ZNF470: variants seen among roughly 807,000 people sequenced by gnomAD.
ZNF470 encodes the protein zinc finger protein 470, also known as chondrogenesis zinc finger protein 1.
A neutral mutation model predicts 13.9 loss-of-function variants in ZNF470; 13 were observed. The ratio of observed to expected loss-of-function variants is 0.94; its 90% CI spans 0.61 to 1.49. The LOEUF (loss-of-function observed/expected upper bound fraction) is 1.49. Among genes scored for constraint, ZNF470 ranks in the 40% most tolerant of loss-of-function variants. The probability of loss-of-function intolerance (pLI) is 0.00; values close to 1 mark genes in which losing one functional copy is unlikely to be tolerated. For missense variants in ZNF470, 929 were observed against 857.3 expected (o/e 1.08, Z -1.04); for synonymous variants, 293 against 282.9 (o/e 1.04, Z -0.36).
At position 56,577,699 on chromosome 19, in the gene ZNF470, C is replaced by G. The variant is rs770179906; in HGVS notation, c.1270C>G (p.Pro424Ala). 1.1e-5 allele frequency: 18 copies of G among 1,611,164 alleles called. No individual in the cohort carries two copies. The Admixed American group carries it at 1.3e-4, about 12-fold the overall frequency. Residue 424 changes from proline (P) to alanine (A), a missense_variant, in exon 6 of 6, where the codon CCT becomes GCT. Transcript: ENST00000330619. ...QHKRTHTGER[P>A]YKCNVCGKAF... is the part of the protein sequence containing the mutation. Reference sequence around the variant, plus strand: ...TAAGAGAACTCATACTGGAGAGAGACCTTACAAATGTAATGTGTGTGGGAA... The same window carrying G: ...TAAGAGAACTCATACTGGAGAGAGAGCTTACAAATGTAATGTGTGTGGGAA...
At chr19:56,570,773 C>G (rs531938250) in intron 3 of ZNF470, among the ~76,000 whole-genome samples, 5 of 152,286 alleles carry the variant, frequency 3.3e-5, no homozygotes, top group African/African-American at 9.6e-5. Context: ...CAAACACTTA[C>G]GCAGTGTGAG....
Position 56,574,504 on chromosome 19 carries a change from G to A in ZNF470, c.171G>A (p.Arg57=). ...LYKKVMLENY[R]NLVSVGLCIS... Reference sequence around the variant, plus strand: ...AGAAGGTGATGTTAGAAAACTACAGGAACCTAGTTTCAGTGGGTAAGAGTA... The same window carrying A: ...AGAAGGTGATGTTAGAAAACTACAGAAACCTAGTTTCAGTGGGTAAGAGTA... The change falls in exon 4 of 6, where the codon AGG becomes AGA. Residue 57 remains arginine (R), a synonymous_variant. Transcript: ENST00000330619. The A allele has an allele frequency of 6.2e-7, 1 of 1,613,814 alleles. No individual in the cohort carries two copies. Among genetic ancestry groups the A allele is most frequent in the Non-Finnish European group, 8.5e-7 (1 of 1,179,766 alleles).
At position 56,578,677 on chromosome 19, in the gene ZNF470, T is replaced by C. The variant is rs2044512755; in HGVS notation, c.*94T>C. ...AAGACGCAACCATCTCATCTGGATT[T>C]CTGCAGTAGCATAACTGTTGCCCCT... On this transcript the variant is annotated 3_prime_UTR_variant, in exon 6 of 6. Transcript: ENST00000330619. 4 of 1,339,934 alleles carry C rather than the reference T, an allele frequency of 3.0e-6. No individual in the cohort carries two copies. In the South Asian group the frequency reaches 1.0e-4, roughly 34 times the overall value. The allele number at this position is 1,339,934 out of a possible 1,614,324, so 83.0% of individuals were successfully genotyped here.
rs1264268465 is a variant in ZNF470, at chr19:56,570,277, C to G, written c.-32-3C>G. The stretch of plus-strand genomic sequence containing the variant: ...GTTTCTCACTACTTCTTTTTCTCCC[C>G]AGCTCTACAATCCCAGAGTAAAGCT... On this transcript the variant is annotated splice_region_variant and splice_polypyrimidine_tract_variant and intron_variant, in intron 2 of 5. Coordinates refer to ENST00000330619, the MANE Select transcript of ZNF470 (RefSeq NM_001001668.4). The G allele has an allele frequency of 6.2e-7, 1 of 1,602,394 alleles. No individual in the cohort carries two copies. Among genetic ancestry groups the G allele is most frequent in the Non-Finnish European group, 8.5e-7 (1 of 1,170,214 alleles).
chr19:56,570,964 C>T (rs1401912577), intron 3 of ZNF470, among the ~76,000 whole-genome samples: 1 of 152,230 alleles, frequency 6.6e-6, no homozygotes, highest in East Asian at 1.9e-4. Context: ...TCCTTCCTGC[C>T]TCCTTGGTGA....
Position 56,582,379 on chromosome 19 carries a change from GA to G in ZNF470, c.*3799del, listed in dbSNP as rs1399610704. 42 of 985,174 alleles carry G rather than the reference GA, an allele frequency of 4.3e-5. No individual in the cohort carries two copies. The highest frequency in any genetic ancestry group is 4.8e-5 in the Non-Finnish European group (40 of 829,878). The allele number at this position is 985,174 out of a possible 1,614,324, so 61.0% of individuals were successfully genotyped here. The stretch of plus-strand genomic sequence containing the variant: ...CTAAGGGATTTTGTATGATATTGTT[GA>G]AAGATGTCTTACATTGTTTAAAGTC... On this transcript the variant is annotated 3_prime_UTR_variant, in exon 6 of 6. Coordinates refer to ENST00000330619, the MANE Select transcript of ZNF470 (RefSeq NM_001001668.4).
rs1488802083 is a variant in ZNF470, at chr19:56,580,080, T to C, written c.*1497T>C. 55 of 847,958 alleles carry C rather than the reference T, an allele frequency of 6.5e-5. 1 individual carries two copies. The highest frequency in any genetic ancestry group is 7.8e-5 in the Non-Finnish European group (55 of 705,068). 52.5% of individuals were successfully genotyped at this position (847,958 alleles called of 1,614,324 possible). A position where few individuals can be genotyped will look rare whatever the true frequency, so the allele number is the denominator to read the frequency against. On this transcript the variant is annotated 3_prime_UTR_variant, in exon 6 of 6. Coordinates refer to ENST00000330619, the MANE Select transcript of ZNF470 (RefSeq NM_001001668.4). ...CATGCTATGTGATAAGTATATGATATGTCCCATAAAGAGAAATGATATAAA... is the reference window on the plus strand; with the variant it reads ...CATGCTATGTGATAAGTATATGATACGTCCCATAAAGAGAAATGATATAAA...
intron 3 of ZNF470, among the ~76,000 whole-genome samples, chr19:56,571,074 C>G (rs2044448590): frequency 6.6e-6 from 1 of 152,154 alleles, no homozygotes; most frequent in Non-Finnish European, 1.5e-5. Context: ...TGAGTTACGC[C>G]TTGAATGAAA....
chr19:56,578,287 C>A lies in ZNF470; in HGVS notation c.1858C>A (p.Pro620Thr), dbSNP rs1397844297. 2 of 1,613,308 alleles carry A rather than the reference C, an allele frequency of 1.2e-6. No individual in the cohort carries two copies. Among genetic ancestry groups the A allele is most frequent in the Non-Finnish European group, 8.5e-7 (1 of 1,179,650 alleles). Residue 620 changes from proline (P) to threonine (T), a missense_variant, in exon 6 of 6, where the codon CCT becomes ACT. Physicochemically the swap from Pro to Thr is conservative, Grantham distance 38. Coordinates refer to ENST00000330619, the MANE Select transcript of ZNF470 (RefSeq NM_001001668.4). ...TCAGAGATGTCATACTGGTGAGAAA[C>A]CTTATGAATGTAATGTTTGTGGGAA... is the stretch of plus-strand genomic sequence containing the variant. ...CHQRCHTGEK[P>T]YECNVCGKAF...
rs1355198719 is a variant in ZNF470, at chr19:56,574,652, A to T, written c.202A>T (p.Lys68Ter). Residue 68 changes from lysine (K) to a stop codon, truncating the protein, a stop_gained, in exon 5 of 6, where the codon AAA becomes TAA. Transcript: ENST00000330619. LOFTEE classifies it high-confidence loss of function. ...TTTACATGCAGGTCTTTGCATTTCT[A>T]AACCAGATGTGATCTCCTTACTGGA... is the stretch of plus-strand genomic sequence containing the variant. ...NLVSVGLCIS[K>*]PDVISLLEQE... The T allele has an allele frequency of 5.6e-6, 9 of 1,613,492 alleles. No homozygotes were observed. The highest frequency in any genetic ancestry group is 7.6e-6 in the Non-Finnish European group (9 of 1,179,762).
Position 56,580,894 on chromosome 19 carries a change from C to T in ZNF470, c.*2311C>T. 1 of 985,218 alleles carries T rather than the reference C, an allele frequency of 1.0e-6. No homozygotes were observed. Among genetic ancestry groups the T allele is most frequent in the Non-Finnish European group, 1.2e-6 (1 of 829,830 alleles). The allele number at this position is 985,218 out of a possible 1,614,324, so 61.0% of individuals were successfully genotyped here. A position where few individuals can be genotyped will look rare whatever the true frequency, so the allele number is the denominator to read the frequency against. On this transcript the variant is annotated 3_prime_UTR_variant, in exon 6 of 6. Coordinates refer to ENST00000330619, the MANE Select transcript of ZNF470 (RefSeq NM_001001668.4). ...AAATGGCATTGGGAAACTTAGCTCACTGGAAAAACAGATCTGTACCTTTCA... is the reference window on the plus strand; with the variant it reads ...AAATGGCATTGGGAAACTTAGCTCATTGGAAAAACAGATCTGTACCTTTCA...
rs770596718 is a variant in ZNF470, at chr19:56,578,633, T to C, written c.*50T>C. On this transcript the variant is annotated 3_prime_UTR_variant, in exon 6 of 6. Transcript: ENST00000330619. ...CATCCATCTGCTTTTTTCCAGCACA[T>C]GTCCCATCATCATAGTCCAAGACGC... The C allele has an allele frequency of 1.5e-5, 21 of 1,436,276 alleles. No individual in the cohort carries two copies. In the East Asian group the frequency reaches 2.7e-4, roughly 18 times the overall value. The allele number at this position is 1,436,276 out of a possible 1,614,324, so 89.0% of individuals were successfully genotyped here. A position where few individuals can be genotyped will look rare whatever the true frequency, so the allele number is the denominator to read the frequency against.
At chr19:56,571,337 A>G (rs1365833334) in intron 3 of ZNF470, among the ~76,000 whole-genome samples, 1 of 152,176 alleles carries the variant, frequency 6.6e-6, no homozygotes, top group Non-Finnish European at 1.5e-5. Context: ...TTTTGCCCTC[A>G]TCTCTGATTA....
At chr19:56,569,111 C>G (rs2044432413) in intron 2 of ZNF470, among the ~76,000 whole-genome samples, 1 of 152,200 alleles carries the variant, frequency 6.6e-6, no homozygotes, top group Non-Finnish European at 1.5e-5. Flanking sequence ...GGTATAGTCC[C>G]TGCCATGTAA....
Position 56,578,290 on chromosome 19 carries a change from TA to T in ZNF470, c.1862del (p.Tyr621LeufsTer132), listed in dbSNP as rs2044508327. ...HQRCHTGEKP[Y>X]ECNVCGKAFS... The stretch of plus-strand genomic sequence containing the variant: ...GAGATGTCATACTGGTGAGAAACCT[TA>T]TGAATGTAATGTTTGTGGGAAAGCC... On this transcript the variant is annotated frameshift_variant, in exon 6 of 6. Coordinates refer to ENST00000330619, the MANE Select transcript of ZNF470 (RefSeq NM_001001668.4). LOFTEE classifies it low-confidence loss of function (END_TRUNC). 2.5e-6 allele frequency: 4 copies of T among 1,613,244 alleles called. No homozygotes were observed. Among genetic ancestry groups the T allele is most frequent in the Non-Finnish European group, 2.5e-6 (3 of 1,179,682 alleles).
At position 56,581,382 on chromosome 19, in the gene ZNF470, A is replaced by G. The variant is rs891394840; in HGVS notation, c.*2799A>G. The G allele has an allele frequency of 5.2e-6, 5 of 958,720 alleles. No homozygotes were observed. In the African/African-American group the frequency reaches 5.3e-5, roughly 10 times the overall value. 59.4% of individuals were successfully genotyped at this position (958,720 alleles called of 1,614,324 possible). ...ACAAGGGAATTCCATTGTTGATTAC[A>G]TATCTATTGCTTTATGTATATACCC... On this transcript the variant is annotated 3_prime_UTR_variant, in exon 6 of 6. Transcript: ENST00000330619.
chr19:56,569,478 A>G (rs1253079273), intron 2 of ZNF470, among the ~76,000 whole-genome samples: 1 of 152,210 alleles, frequency 6.6e-6, no homozygotes, highest in Admixed American at 6.5e-5. Context: ...CTGGTATATG[A>G]GCAAATAACT....
intron 3 of ZNF470, 109 bp from the exon 4 acceptor site, chr19:56,574,285 T>A (rs1447105203): frequency 6.6e-7 from 1 of 1,524,506 alleles, no homozygotes; most frequent in Non-Finnish European, 9.1e-7. Context: ...GTGCAGTTAC[T>A]TATACATAGT....
intron 3 of ZNF470, among the ~76,000 whole-genome samples, chr19:56,572,371 A>AAAAAAT (rs2044459428): frequency 2.9e-4 from 5 of 17,232 alleles, no homozygotes; most frequent in East Asian, 9.7e-4. Flanking sequence ...AAAAAAAAAA[A>AAAAAAT]ATATATATAT....
Sources: allele counts gnomAD v4.1 joint callset (sites outside exome capture counted in the v4.1 genomes callset), GRCh38; gene constraint gnomAD v4.1.1; transcripts MANE v1.5; gene names NCBI Gene and HGNC (gene_info 2026-07-23, HGNC 2026-07-21).